The following NAAA variants were observed in gnomAD, a reference collection of about 807,000 sequenced individuals.
NAAA encodes the protein N-acylethanolamine acid amidase, also known as N-acylethanolamine-hydrolyzing acid amidase.
In NAAA, 39 loss-of-function variants were observed where a neutral mutation model predicts 44.8. That is an observed-to-expected ratio of 0.87 (90% CI 0.67 to 1.14). The LOEUF is 1.14. NAAA is among the 50% of genes most tolerant of loss of function. The probability of loss-of-function intolerance (pLI) is 0.00; values close to 1 mark genes in which losing one functional copy is unlikely to be tolerated. For synonymous variants in NAAA, 178 were observed against 191.3 expected, an observed-to-expected ratio of 0.93 and a Z score of 0.58; for missense variants, 460 against 467.8, an observed-to-expected ratio of 0.98 and a Z score of 0.15.
At chr4:75,933,227 C>T (rs1727402171) in intron 3 of NAAA, among the ~76,000 whole-genome samples, 1 of 151,330 alleles carries the variant, frequency 6.6e-6, no homozygotes, top group Non-Finnish European at 1.5e-5. Flanking sequence ...ATAGATAGTC[C>T]TAGATTGATA....
chr4:75,937,600 T>G (rs889471753), intron 2 of NAAA, among the ~76,000 whole-genome samples: 1 of 152,160 alleles, frequency 6.6e-6, no homozygotes, highest in Non-Finnish European at 1.5e-5. Context: ...ATCCTCCCAC[T>G]TCAGCCTCCT....
chr4:75,927,657 A>AT (rs11408635), intron 4 of NAAA, among the ~76,000 whole-genome samples: 1 of 140,976 alleles, frequency 7.1e-6, no homozygotes, highest in East Asian at 2.5e-4. Flanking sequence ...CGCCAAAAAA[A>AT]ATAGCTAGAA....
At chr4:75,920,655 T>A (rs1726062792) in intron 7 of NAAA, 83 bp downstream of exon 7, 1 of 1,525,968 alleles carries the variant, frequency 6.6e-7, no homozygotes, top group African/African-American at 1.4e-5. Context: ...CACCCATAGG[T>A]CTTGCCAGTT....
At chr4:75,925,276 C>A (rs1578057683) in intron 5 of NAAA, among the ~76,000 whole-genome samples, 1 of 152,314 alleles carries the variant, frequency 6.6e-6, no homozygotes, top group South Asian at 2.1e-4. Flanking sequence ...ACCTCGAGAT[C>A]CACCCTCCTT....
chr4:75,912,782 A>T (rs1331234448), downstream of NAAA, among the ~76,000 whole-genome samples: 6 of 152,148 alleles, frequency 3.9e-5, no homozygotes, highest in African/African-American at 1.4e-4. Context: ...TCAAAAAAAA[A>T]AAGACTAATG....
At chr4:75,934,700 T>C (rs921254726) in intron 3 of NAAA, among the ~76,000 whole-genome samples, 8 of 152,202 alleles carry the variant, frequency 5.3e-5, no homozygotes, top group Admixed American at 2.0e-4. Flanking sequence ...CTGTTCTTAA[T>C]TTCATAAAAC....
intron 9 of NAAA, chr4:75,917,093 C>T: frequency 1.0e-6 from 1 of 956,274 alleles, no homozygotes; most frequent in Non-Finnish European, 1.2e-6. Flanking sequence ...ATATTCATCA[C>T]TTCTATAATT....
rs1416935666 is a variant in NAAA, at chr4:75,940,937, C to T, written c.13G>A (p.Asp5Asn). The T allele has an allele frequency of 1.3e-6, 2 of 1,497,552 alleles. No homozygotes were observed. The highest frequency in any genetic ancestry group is 2.9e-5 in the African/African-American group (2 of 68,708). 92.8% of individuals were successfully genotyped at this position (1,497,552 alleles called of 1,614,324 possible). The change falls in exon 1 of 11, where the codon GAC (aspartate) becomes AAC (asparagine). Residue 5 changes from aspartate (D) to asparagine (N), a missense_variant. Physicochemically the swap from Asp to Asn is conservative, Grantham distance 23 (BLOSUM62 1). Coordinates refer to ENST00000286733, the MANE Select transcript of NAAA (RefSeq NM_014435.4). Reference sequence around the variant, plus strand: ...GGAAGCCCCGGGCGCGCCTCCCGGTCCGCGGTCCGCATGGCTCGGGCTCCA... The same window carrying T: ...GGAAGCCCCGGGCGCGCCTCCCGGTTCGCGGTCCGCATGGCTCGGGCTCCA... MRTA[D>N]REARPGLPSL...
At chr4:75,925,302 T>G (rs193269854) in intron 5 of NAAA, among the ~76,000 whole-genome samples, 1 of 152,246 alleles carries the variant, frequency 6.6e-6, no homozygotes. Context: ...CCCAAAGTGC[T>G]GGGATTACAG....
rs558370867 is a variant in NAAA, at chr4:75,920,898, T to TA, written c.839+52dup. 1.2e-5 allele frequency: 20 copies of TA among 1,611,562 alleles called. No individual in the cohort carries two copies. In the East Asian group the frequency reaches 3.6e-4, roughly 29 times the overall value. ...TTAAAATACCCCTCATTTCACCGAT[T>TA]AAAAAAAATGATTATCTGATACAAA... On this transcript the variant is annotated intron_variant, in intron 6 of 10. Transcript: ENST00000286733.
chr4:75,936,042 C>A, intron 3 of NAAA, 67 bp downstream of exon 3: 2 of 1,584,154 alleles, frequency 1.3e-6, no homozygotes, highest in African/African-American at 1.3e-5. Flanking sequence ...AGCAGGCCAT[C>A]CAAATGACTG....
downstream of NAAA, among the ~76,000 whole-genome samples, chr4:75,910,969 G>T (rs112729298): frequency 6.6e-6 from 1 of 152,084 alleles, no homozygotes; most frequent in African/African-American, 2.4e-5. Flanking sequence ...GGTGGAGTTC[G>T]GAGCAATTTT....
At chr4:75,925,677 A>C in intron 5 of NAAA, 58 bp downstream of exon 5, 1 of 1,512,050 alleles carries the variant, frequency 6.6e-7, no homozygotes, top group Non-Finnish European at 9.2e-7. Context: ...TAAATGACAC[A>C]GAACAGTTTA....
chr4:75,920,853 G>A (rs2149251840), intron 6 of NAAA, 53 bp from the exon 7 acceptor site: 1 of 1,613,508 alleles, frequency 6.2e-7, no homozygotes. Flanking sequence ...CGACATAGCA[G>A]AGGAGACATA....
At position 75,914,113 on chromosome 4, in the gene NAAA, G is replaced by T. The variant is rs1725451375; in HGVS notation, c.*262C>A. On this transcript the variant is annotated 3_prime_UTR_variant, in exon 11 of 11. Coordinates refer to ENST00000286733, the MANE Select transcript of NAAA (RefSeq NM_014435.4). ...ATTATCTTTGAGTTATTCAGGCCAGGATAGAAGCTTAGAGAGGATCGAGGC... is the reference window on the plus strand; with the variant it reads ...ATTATCTTTGAGTTATTCAGGCCAGTATAGAAGCTTAGAGAGGATCGAGGC... 2.0e-6 allele frequency: 2 copies of T among 985,470 alleles called. No homozygotes were observed. Among genetic ancestry groups the T allele is most frequent in the Non-Finnish European group, 2.4e-6 (2 of 829,960 alleles). The allele number at this position is 985,470 out of a possible 1,614,324, so 61.0% of individuals were successfully genotyped here. A position where few individuals can be genotyped will look rare whatever the true frequency, so the allele number is the denominator to read the frequency against.
At chr4:75,922,448 A>T (rs1424291976) in intron 5 of NAAA, among the ~76,000 whole-genome samples, 1 of 152,038 alleles carries the variant, frequency 6.6e-6, no homozygotes, top group Non-Finnish European at 1.5e-5. Flanking sequence ...CCCTTTCCAG[A>T]GAGGATCCTG....
rs35133250 is a variant in NAAA at position 75,931,195 on chromosome 4, A to AG, written c.589+18dup. On this transcript the variant is annotated intron_variant, in intron 4 of 10. Transcript: ENST00000286733. ...AACAATAATGTAGCTAAAATTACAC[A>AG]GGGGTTTGTTTTGATTACCTCGTTC... 2 of 1,598,314 alleles carry AG rather than the reference A, an allele frequency of 1.3e-6. No individual in the cohort carries two copies. Among genetic ancestry groups the AG allele is most frequent in the Non-Finnish European group, 1.7e-6 (2 of 1,166,662 alleles).
intron 5 of NAAA, 111 bp downstream of exon 5, chr4:75,925,624 G>A: frequency 1.0e-6 from 1 of 978,096 alleles, no homozygotes; most frequent in Non-Finnish European, 1.6e-6. Flanking sequence ...ACATTTAGAT[G>A]CTTATTCTTT....
At chr4:75,930,926 C>A (rs1389199682) in intron 4 of NAAA, among the ~76,000 whole-genome samples, 3 of 152,184 alleles carry the variant, frequency 2.0e-5, no homozygotes, top group Non-Finnish European at 1.5e-5. Flanking sequence ...GCAGAACTAG[C>A]TCCCGGATCA....
Sources: gnomAD v4.1 joint callset for allele counts (sites outside exome capture counted in the v4.1 genomes callset) on GRCh38, gnomAD v4.1.1 for gene constraint, MANE v1.5 for transcripts, NCBI Gene and HGNC (gene_info 2026-07-23, HGNC 2026-07-21) for gene names.